Variants in SFTPA2 observed in about 807,000 individuals in gnomAD.
SFTPA2 encodes surfactant protein A2.
Under a neutral mutation model 20.3 loss-of-function variants are expected in SFTPA2, and 21 were observed. The ratio of observed to expected loss-of-function variants is 1.03; its 90% confidence interval spans 0.73 to 1.49. SFTPA2 has a LOEUF of 1.49. Among genes scored for constraint, SFTPA2 ranks in the 40% most tolerant of loss-of-function variants. The pLI, the probability that SFTPA2 is intolerant of heterozygous loss-of-function variation, is 0.00. For missense variants in SFTPA2, 302 were observed against 314.8 expected (o/e 0.96, Z 0.31); for synonymous variants, 116 against 118.7 (o/e 0.98, Z 0.15).
chr10:79,557,918 A>G, intron 5 of SFTPA2, 134 bp downstream of exon 5: 6 of 1,438,814 alleles, frequency 4.2e-6, no homozygotes, highest in Middle Eastern at 4.1e-4. Context: ...GACATCAGAA[A>G]AGCAAGCATC....
At chr10:79,559,289 G>T in intron 3 of SFTPA2, 23 bp downstream of exon 3, 1 of 1,613,508 alleles carries the variant, frequency 6.2e-7, no homozygotes. Context: ...CCTCAGCTGA[G>T]GGTGGGGTCT....
chr10:79,557,975 A>C (rs571292022), intron 5 of SFTPA2, 77 bp downstream of exon 5: 3 of 1,601,330 alleles, frequency 1.9e-6, no homozygotes, highest in Admixed American at 1.7e-5. Context: ...TGTCATCTCT[A>C]TTCTAGAAGG....
In SFTPA2 at chr10:79,559,958, T is replaced by A; in HGVS notation, c.-24+11A>T. On this transcript the variant is annotated intron_variant, in intron 2 of 5. Coordinates refer to ENST00000372325, the MANE Select transcript of SFTPA2 (RefSeq NM_001098668.4). The stretch of plus-strand genomic sequence containing the variant: ...TGACTCACTCCATCTGTCCCTCATA[T>A]GCCCAGTTACCTTCTTTTCAGGCTC... 6 of 1,283,480 alleles carry A rather than the reference T, an allele frequency of 4.7e-6. No homozygotes were observed. Among genetic ancestry groups the A allele is most frequent in the Non-Finnish European group, 5.9e-6 (6 of 1,011,736 alleles). The allele number at this position is 1,283,480 out of a possible 1,614,324, so 79.5% of individuals were successfully genotyped here. A position where few individuals can be genotyped will look rare whatever the true frequency, so the allele number is the denominator to read the frequency against.
At chr10:79,558,234 A>G in intron 4 of SFTPA2, 105 bp from the exon 5 acceptor site, 2 of 1,605,692 alleles carry the variant, frequency 1.2e-6, no homozygotes, top group Non-Finnish European at 1.7e-6. Flanking sequence ...CTGCCCTTTC[A>G]TTGCTGTTAG....
In SFTPA2 at chr10:79,558,949, C is replaced by T. The variant is rs1858999737; in HGVS notation, c.229G>A (p.Gly77Arg). Reference protein sequence around the residue: ...PCPPGNNGLPGAPGVPGERGE... With the variant: ...PCPPGNNGLPRAPGVPGERGE... ...CGCTCTCCAGGGACACCAGGGGCTC[C>T]AGGCAGCCCATTATTCCCAGGAGGA... is the stretch of plus-strand genomic sequence containing the variant. The change falls in exon 4 of 6, where the codon GGA (glycine) becomes AGA (arginine). Residue 77 changes from glycine to arginine, a missense_variant. This residue lies in a region of SFTPA2 where 264 missense variants were observed against 261.7 expected (regional missense o/e 1.01). Coordinates refer to ENST00000372325, the MANE Select transcript of SFTPA2 (RefSeq NM_001098668.4). 1 of 1,614,030 alleles carries T rather than the reference C, an allele frequency of 6.2e-7. No individual in the cohort carries two copies. Among genetic ancestry groups the T allele is most frequent in the African/African-American group, 1.3e-5 (1 of 74,912 alleles).
chr10:79,558,842 G>T (rs200389217), intron 4 of SFTPA2, 44 bp downstream of exon 4: 37 of 1,613,184 alleles, frequency 2.3e-5, no homozygotes, highest in Non-Finnish European at 2.9e-5. Context: ...ACTTCAGGTC[G>T]CTGTGCCCAT....
chr10:79,558,616 A>C (rs1345029549), intron 4 of SFTPA2, among the ~76,000 whole-genome samples: 4 of 151,986 alleles, frequency 2.6e-5, no homozygotes, highest in African/African-American at 9.7e-5. Flanking sequence ...CCTGCCTCCC[A>C]GTGCTGTCCC....
chr10:79,559,263 A>G lies in SFTPA2; in HGVS notation c.172+49T>C. ...GGGGCCTGGACAGATGGGCCTCCTG[A>G]AAAGGGGTCTGTGTCCCTCAGCTGA... On this transcript the variant is annotated intron_variant, in intron 3 of 5. Coordinates refer to ENST00000372325, the MANE Select transcript of SFTPA2 (RefSeq NM_001098668.4). 2.5e-6 allele frequency: 4 copies of G among 1,612,154 alleles called. No homozygotes were observed. The South Asian group carries it at 3.3e-5, about 13-fold the overall frequency.
chr10:79,558,833 C>G, intron 4 of SFTPA2, 53 bp downstream of exon 4: 1 of 1,609,242 alleles, frequency 6.2e-7, no homozygotes, highest in East Asian at 2.2e-5. Flanking sequence ...GTGTAACTGA[C>G]TTCAGGTCGC....
At chr10:79,558,637 C>T (rs1003354521) in intron 4 of SFTPA2, among the ~76,000 whole-genome samples, 3 of 152,184 alleles carry the variant, frequency 2.0e-5, no homozygotes, top group African/African-American at 7.2e-5. Flanking sequence ...TCGTCCCACA[C>T]CTGACTCAGT....
Position 79,559,479 on chromosome 10 carries a change from C to G in SFTPA2, c.5G>C (p.Trp2Ser). 2 of 1,612,720 alleles carry G rather than the reference C, an allele frequency of 1.2e-6. No homozygotes were observed. Among genetic ancestry groups the G allele is most frequent in the African/African-American group, 2.7e-5 (2 of 74,898 alleles). Residue 2 changes from tryptophan (W) to serine (S), a missense_variant, in exon 3 of 6, where the codon TGG becomes TCG. Around this residue, in one of 3 missense-constraint regions of SFTPA2, gnomAD observed 31 missense variants for 29.8 expected, o/e 1.04. Transcript: ENST00000372325. M[W>S]LCPLALTLIL... ...GAGGGTGAGGGCCAGAGGGCACAGC[C>G]ACATGGCTCTGGGTCCAGTCGCTGC...
chr10:79,559,805 T>C, intron 2 of SFTPA2, 164 bp downstream of exon 2: 1 of 1,406,480 alleles, frequency 7.1e-7, no homozygotes, highest in Non-Finnish European at 9.5e-7. Flanking sequence ...TTTCTTTCAG[T>C]GCCTCACTAT....
In SFTPA2 at chr10:79,558,840, T is replaced by G. The variant is rs17882071; in HGVS notation, c.292+46A>C. On this transcript the variant is annotated intron_variant, in intron 4 of 5. Coordinates refer to ENST00000372325, the MANE Select transcript of SFTPA2 (RefSeq NM_001098668.4). ...TCACCCCTGTGTAACTGACTTCAGG[T>G]CGCTGTGCCCATGTTTCCACTGCCC... 2.5e-3 allele frequency: 4,070 copies of G among 1,612,166 alleles called. 19 individuals are homozygous for G. Among genetic ancestry groups the G allele is most frequent in the East Asian group, 0.016 (731 of 44,758 alleles).
At chr10:79,557,671 T>G (rs1858872567) in intron 5 of SFTPA2, 86 bp from the exon 6 acceptor site, 1 of 1,595,594 alleles carries the variant, frequency 6.3e-7, no homozygotes, top group Admixed American at 1.7e-5. Flanking sequence ...TACCAGATTC[T>G]CCCCAGTCTC....
Position 79,557,091 on chromosome 10 carries a change from A to T in SFTPA2, c.*118T>A. ...GTGGCTAAGGGTGCCTCCAGCTCTA[A>T]TAGCCACAAGTGAATTCTGTTGAAA... On this transcript the variant is annotated 3_prime_UTR_variant, in exon 6 of 6. Transcript: ENST00000372325. 1 of 1,569,884 alleles carries T rather than the reference A, an allele frequency of 6.4e-7. No homozygotes were observed. Among genetic ancestry groups the T allele is most frequent in the Admixed American group, 1.8e-5 (1 of 56,494 alleles).
chr10:79,558,282 T>C, intron 4 of SFTPA2, 153 bp from the exon 5 acceptor site: 1 of 983,280 alleles, frequency 1.0e-6, no homozygotes, highest in Non-Finnish European at 1.2e-6. Flanking sequence ...GTCCACGAGA[T>C]TCCAGTGTGT....
chr10:79,555,898 A>G lies in SFTPA2; in HGVS notation c.*1311T>C, dbSNP rs1858748595. On this transcript the variant is annotated 3_prime_UTR_variant, in exon 6 of 6. Transcript: ENST00000372325. ...ACTAACGATTTATTATGCTTAAATCATCTTTATTCAGCTCAGGGGTGGGGT... is the reference window on the plus strand; with the variant it reads ...ACTAACGATTTATTATGCTTAAATCGTCTTTATTCAGCTCAGGGGTGGGGT... The G allele has an allele frequency of 6.6e-6, 1 of 152,274 alleles. No homozygotes were observed. Among genetic ancestry groups the G allele is most frequent in the Non-Finnish European group, 1.5e-5 (1 of 68,046 alleles). 9.4% of individuals were successfully genotyped at this position (152,274 alleles called of 1,614,324 possible).
intron 3 of SFTPA2, 48 bp from the exon 4 acceptor site, chr10:79,559,053 G>C (rs908634769): frequency 1.9e-6 from 3 of 1,613,972 alleles, no homozygotes; most frequent in Admixed American, 1.7e-5. Context: ...ACCCACAACT[G>C]GTTGGAGCTA....
intron 4 of SFTPA2, among the ~76,000 whole-genome samples, 192 bp downstream of exon 4, chr10:79,558,694 C>T (rs17886864): frequency 0.062 from 9,375 of 152,266 alleles, 379 homozygotes; most frequent in African/African-American, 0.11. Flanking sequence ...CCCACACCTG[C>T]CCTTCTCTGA....
Sources: gnomAD v4.1 joint callset for allele counts (sites outside exome capture counted in the v4.1 genomes callset) on GRCh38, gnomAD v4.1.1 for gene constraint, gnomAD v4.1.1 regional missense constraint, MANE v1.5 for transcripts, NCBI Gene and HGNC (gene_info 2026-07-23, HGNC 2026-07-21) for gene names.